The following FHIT variants were observed in gnomAD, a reference collection of about 807,000 sequenced individuals.
FHIT encodes fragile histidine triad diadenosine triphosphatase.
In FHIT, 19 loss-of-function variants were observed where a neutral mutation model predicts 17.9. The observed-to-expected ratio is 1.06, with a 90% CI of 0.74 to 1.56. The LOEUF is 1.56. Ranked by LOEUF, FHIT falls within the 40% of genes most tolerant of loss-of-function variation. The pLI, the probability that FHIT is intolerant of heterozygous loss-of-function variation, is 0.00. For synonymous variants in FHIT, 81 were observed against 69.7 expected (o/e 1.16, Z -0.81); for missense variants, 248 against 189.2 (o/e 1.31, Z -1.82).
intron 5 of FHIT, among the ~76,000 whole-genome samples, chr3:60,027,025 G>C (rs28397568): frequency 0.024 from 3,594 of 151,654 alleles, 142 homozygotes; most frequent in African/African-American, 0.082. Flanking sequence ...CTTGAACCCA[G>C]GAAGCAGAGC....
chr3:60,305,826 T>C (rs990417679), intron 5 of FHIT, among the ~76,000 whole-genome samples: 1 of 152,130 alleles, frequency 6.6e-6, no homozygotes, highest in East Asian at 1.9e-4. Context: ...TTTTTAATAA[T>C]TTTAAACTGA....
chr3:60,578,546 C>A (rs2037649579), intron 4 of FHIT, among the ~76,000 whole-genome samples: 1 of 151,796 alleles, frequency 6.6e-6, no homozygotes, highest in Admixed American at 6.6e-5. Context: ...AGATCTTATT[C>A]TTATAAAGTA....
intron 2 of FHIT, among the ~76,000 whole-genome samples, chr3:61,117,178 AACTGTGCAAT>A (rs1442977876): frequency 6.6e-6 from 1 of 152,148 alleles, no homozygotes; most frequent in Admixed American, 6.6e-5. Flanking sequence ...TGGAAGAGTA[AACTGTGCAAT>A]GACTTCTGTC....
chr3:60,686,236 A>G (rs1051677354), intron 4 of FHIT, among the ~76,000 whole-genome samples: 1 of 152,064 alleles, frequency 6.6e-6, no homozygotes, highest in African/African-American at 2.4e-5. Flanking sequence ...TTCTCCGGCT[A>G]TTTTCAAGAT....
intron 5 of FHIT, among the ~76,000 whole-genome samples, chr3:60,245,727 G>A (rs1043523168): frequency 3.9e-5 from 6 of 151,964 alleles, no homozygotes; most frequent in African/African-American, 1.5e-4. Context: ...AAAACTTTAT[G>A]TACAAAAATA....
At chr3:60,435,011 C>A (rs1309784047) in intron 5 of FHIT, among the ~76,000 whole-genome samples, 1 of 152,050 alleles carries the variant, frequency 6.6e-6, no homozygotes, top group Admixed American at 6.6e-5. Context: ...ACATTGTCTC[C>A]AAACAAATAA....
Position 60,336,933 on chromosome 3 carries a change from G to C in FHIT, c.103+199927C>G, listed in dbSNP as rs1412789175. On this transcript the variant is annotated intron_variant, in intron 5 of 9. Transcript: ENST00000492590. ...AAAGTTCTTTGTCAGTTTGATGAGT[G>C]TATCTGTTATGCTTGAAGATGTAGA... Among the ~76,000 whole-genome samples, 3 of 151,390 alleles carry C rather than the reference G, an allele frequency of 2.0e-5. No individual in the cohort carries two copies. In the East Asian group the frequency reaches 5.8e-4, roughly 29 times the overall value.
In FHIT at chr3:59,752,310, A is replaced by ATGTT; in HGVS notation, c.356_359dup (p.His120GlnfsTer3). 1.2e-6 allele frequency: 2 copies of ATGTT among 1,610,708 alleles called. No homozygotes were observed. The highest frequency in any genetic ancestry group is 2.2e-5 in the East Asian group (1 of 44,648). ...AAGAGGCAGGAAAGTCCTCCTTGTC[A>ATGTT]TGTTTCTGGAGCTTTGGAGAAAAAA... On this transcript the variant is annotated frameshift_variant, in exon 9 of 10. Coordinates refer to ENST00000492590, the MANE Select transcript of FHIT (RefSeq NM_002012.4). LOFTEE classifies it high-confidence loss of function.
intron 5 of FHIT, among the ~76,000 whole-genome samples, chr3:60,359,962 A>G (rs2106991724): frequency 6.6e-6 from 1 of 151,786 alleles, no homozygotes; most frequent in South Asian, 2.1e-4. Flanking sequence ...CAAACACTAG[A>G]ACACTAGGAC....
intron 7 of FHIT, among the ~76,000 whole-genome samples, chr3:60,008,916 G>T (rs1700023679): frequency 6.6e-6 from 1 of 152,148 alleles, no homozygotes; most frequent in South Asian, 2.1e-4. Flanking sequence ...TACTGAGGCT[G>T]GCAAATATCT....
chr3:60,864,112 T>C (rs1704049073), intron 3 of FHIT, among the ~76,000 whole-genome samples: 1 of 151,918 alleles, frequency 6.6e-6, no homozygotes, highest in South Asian at 2.1e-4. Flanking sequence ...TATAAAACCA[T>C]CAGATCTCAT....
rs551995420 is a variant in FHIT at position 60,834,770 on chromosome 3, CAGG to C, written c.-110-12762_-110-12760del. ...GTCCCAGCTATTCCAGAGCCTCAGG[CAGG>C]AGAATTGCTTGAACCTGGGAGGCAG... On this transcript the variant is annotated intron_variant, in intron 3 of 9. Coordinates refer to ENST00000492590, the MANE Select transcript of FHIT (RefSeq NM_002012.4). 1.1e-3 allele frequency among the ~76,000 whole-genome samples: 160 copies of C among 151,270 alleles called. 1 individual carries two copies. The highest frequency in any genetic ancestry group is 9.7e-3 in the Admixed American group (147 of 15,090).
intron 5 of FHIT, among the ~76,000 whole-genome samples, chr3:60,173,916 TG>T (rs1341108161): frequency 2.5e-4 from 17 of 68,056 alleles, no homozygotes; most frequent in African/African-American, 5.7e-4. Context: ...TATATATATA[TG>T]TTTTTTTTTT....
At chr3:59,959,264 G>A (rs913875459) in intron 7 of FHIT, among the ~76,000 whole-genome samples, 8 of 152,082 alleles carry the variant, frequency 5.3e-5, no homozygotes, top group East Asian at 1.9e-4. Flanking sequence ...AATCATTGTC[G>A]GAGCTACCCT....
chr3:60,973,676 C>T (rs1407520267), intron 3 of FHIT, among the ~76,000 whole-genome samples: 1 of 152,170 alleles, frequency 6.6e-6, no homozygotes, highest in Non-Finnish European at 1.5e-5. Flanking sequence ...TGGTCACATT[C>T]TCATCATTTT....
intron 8 of FHIT, among the ~76,000 whole-genome samples, chr3:59,777,146 G>A (rs186436709): frequency 3.9e-5 from 6 of 152,150 alleles, no homozygotes; most frequent in South Asian, 2.1e-4. Context: ...ATCCACCTTC[G>A]AAATGTCAGG....
At chr3:60,361,392 A>T (rs1053768206) in intron 5 of FHIT, among the ~76,000 whole-genome samples, 2 of 152,140 alleles carry the variant, frequency 1.3e-5, no homozygotes, top group African/African-American at 4.8e-5. Flanking sequence ...AAAGGCACGT[A>T]CACAAAAAAA....
chr3:60,107,205 C>A (rs1576114241), intron 5 of FHIT, among the ~76,000 whole-genome samples: 1 of 118,740 alleles, frequency 8.4e-6, no homozygotes, highest in Non-Finnish European at 1.6e-5. Flanking sequence ...ATGGTTGGAT[C>A]AACTTACACA....
intron 3 of FHIT, among the ~76,000 whole-genome samples, chr3:61,039,783 T>C (rs1044317885): frequency 7.2e-5 from 11 of 152,210 alleles, no homozygotes; most frequent in East Asian, 1.9e-4. Context: ...GCACCCACCA[T>C]GGCACATGTA....
Sources: allele counts gnomAD v4.1 joint callset (sites outside exome capture counted in the v4.1 genomes callset), GRCh38; gene constraint gnomAD v4.1.1; transcripts MANE v1.5; gene names NCBI Gene and HGNC (gene_info 2026-07-23, HGNC 2026-07-21).